ZRANB3: variants seen among roughly 807,000 people sequenced by gnomAD.
ZRANB3 encodes zinc finger RANBP2-type containing 3.
A neutral mutation model predicts 133.8 loss-of-function variants in ZRANB3; 125 were observed. The observed-to-expected ratio is 0.93, with a 90% CI of 0.81 to 1.08. ZRANB3 has a LOEUF of 1.08. ZRANB3 is among the 50% of genes least tolerant of loss of function. The probability of loss-of-function intolerance (pLI) is 0.00; values close to 1 mark genes in which losing one functional copy is unlikely to be tolerated. For synonymous variants in ZRANB3, 387 were observed against 432.7 expected (o/e 0.89, Z 1.31); for missense variants, 1,229 against 1,275.5 (o/e 0.96, Z 0.56).
chr2:135,497,679 T>C (rs188234267), intron 2 of ZRANB3, among the ~76,000 whole-genome samples: 1 of 152,294 alleles, frequency 6.6e-6, no homozygotes, highest in Admixed American at 6.5e-5. Flanking sequence ...AAAAGTAACA[T>C]TACAATGCAG....
Position 135,409,649 on chromosome 2 carries a change from G to A in ZRANB3, c.162-18829C>T, listed in dbSNP as rs536127956. 3.3e-5 allele frequency among the ~76,000 whole-genome samples: 5 copies of A among 152,110 alleles called. No individual in the cohort carries two copies. The South Asian group carries it at 1.0e-3, about 32-fold the overall frequency. ...GAAGTCCCAGCCAGAGGAAGAGAAA[G>A]AAATAGAAAGCATCCGAAAAAGAGG... On this transcript the variant is annotated intron_variant, in intron 2 of 20. Coordinates refer to ENST00000264159, the MANE Select transcript of ZRANB3 (RefSeq NM_032143.4).
chr2:135,453,254 T>A (rs1227755809), intron 2 of ZRANB3, among the ~76,000 whole-genome samples: 1 of 152,194 alleles, frequency 6.6e-6, no homozygotes, highest in African/African-American at 2.4e-5. Flanking sequence ...AAAACCATTT[T>A]TTCCTCCTGG....
At chr2:135,348,299 G>C (rs1339916989) in intron 5 of ZRANB3, among the ~76,000 whole-genome samples, 1 of 150,696 alleles carries the variant, frequency 6.6e-6, no homozygotes, top group Non-Finnish European at 1.5e-5. Context: ...GAAAAAATTA[G>C]AGAACTCACA....
chr2:135,512,663 A>G (rs879816087), intron 1 of ZRANB3, among the ~76,000 whole-genome samples: 13 of 151,972 alleles, frequency 8.6e-5, no homozygotes, highest in Non-Finnish European at 1.6e-4. Flanking sequence ...TATACATGCC[A>G]AAGTATAGCT....
At chr2:135,498,724 T>G (rs988885739) in intron 2 of ZRANB3, among the ~76,000 whole-genome samples, 5 of 152,238 alleles carry the variant, frequency 3.3e-5, no homozygotes, top group African/African-American at 9.6e-5. Flanking sequence ...AAAGAGAATG[T>G]GTTCCCAAGG....
chr2:135,427,343 C>T (rs1044085681), intron 2 of ZRANB3, among the ~76,000 whole-genome samples: 1 of 152,132 alleles, frequency 6.6e-6, no homozygotes, highest in Non-Finnish European at 1.5e-5. Context: ...GCTCCTAGAT[C>T]TGATGAACAA....
At chr2:135,505,674 C>A (rs528763767) in intron 1 of ZRANB3, among the ~76,000 whole-genome samples, 6 of 152,064 alleles carry the variant, frequency 3.9e-5, no homozygotes, top group African/African-American at 1.2e-4. Flanking sequence ...TCTGTGTCTA[C>A]TAAGAAGGTC....
chr2:135,281,897 T>C (rs550187252), intron 8 of ZRANB3, among the ~76,000 whole-genome samples: 1 of 152,322 alleles, frequency 6.6e-6, no homozygotes, highest in South Asian at 2.1e-4. Flanking sequence ...TAAACATTAA[T>C]TAACTTTCTG....
intron 2 of ZRANB3, among the ~76,000 whole-genome samples, chr2:135,393,223 CAT>C (rs1687323359): frequency 6.6e-6 from 1 of 152,010 alleles, no homozygotes; most frequent in Non-Finnish European, 1.5e-5. Context: ...AAAATTAAAA[CAT>C]ATATAAGAGT....
chr2:135,353,726 T>A, intron 3 of ZRANB3, 98 bp from the exon 4 acceptor site: 1 of 851,148 alleles, frequency 1.2e-6, no homozygotes, highest in Non-Finnish European at 1.6e-6. Context: ...ATTAGCTGGG[T>A]GTGATGGCTC....
Position 135,200,075 on chromosome 2 carries a change from A to G in ZRANB3, c.*267T>C. The stretch of plus-strand genomic sequence containing the variant: ...CAGTGATTAGGCATATTAGGGGTAA[A>G]GAGCTTTACAAAACATTGCTGAAAC... On this transcript the variant is annotated 3_prime_UTR_variant, in exon 21 of 21. Transcript: ENST00000264159. The G allele has an allele frequency of 2.0e-6, 1 of 502,922 alleles. No individual in the cohort carries two copies. The highest frequency in any genetic ancestry group is 3.6e-6 in the Non-Finnish European group (1 of 275,844). The allele number at this position is 502,922 out of a possible 1,614,324, so 31.2% of individuals were successfully genotyped here.
At chr2:135,377,189 AAT>A (rs1043447361) in intron 3 of ZRANB3, among the ~76,000 whole-genome samples, 5 of 152,188 alleles carry the variant, frequency 3.3e-5, no homozygotes, top group Admixed American at 1.3e-4. Context: ...TGTGCATAGC[AAT>A]GTGTGTGTAC....
Position 135,392,757 on chromosome 2 carries a change from A to C in ZRANB3, c.162-1937T>G, listed in dbSNP as rs539103527. On this transcript the variant is annotated intron_variant, in intron 2 of 20. Transcript: ENST00000264159. ...AGTGAGACTCCGTCTCAAAAACCAC[A>C]ACAACAACAACAACAACAAATTAAG... Among the ~76,000 whole-genome samples the C allele has an allele frequency of 1.8e-3, 274 of 151,620 alleles. 1 individual carries two copies. The highest frequency in any genetic ancestry group is 6.2e-3 in the African/African-American group (256 of 41,036).
At chr2:135,260,197 C>T (rs1343821444) in intron 12 of ZRANB3, among the ~76,000 whole-genome samples, 1 of 152,136 alleles carries the variant, frequency 6.6e-6, no homozygotes, top group African/African-American at 2.4e-5. Flanking sequence ...CAATGGAAGC[C>T]ACTGTAGAGA....
chr2:135,441,673 A>G (rs1194675281), intron 2 of ZRANB3, among the ~76,000 whole-genome samples: 1 of 152,142 alleles, frequency 6.6e-6, no homozygotes, highest in Non-Finnish European at 1.5e-5. Flanking sequence ...ATAGAGTGAT[A>G]CTGGAATGAA....
chr2:135,354,417 T>C (rs549939457), intron 3 of ZRANB3, among the ~76,000 whole-genome samples: 13 of 152,346 alleles, frequency 8.5e-5, no homozygotes, highest in Admixed American at 7.2e-4. Flanking sequence ...TTGATTTGTA[T>C]CCACACTGTC....
At position 135,504,154 on chromosome 2, in the gene ZRANB3, A is replaced by C. The variant is rs780992062; in HGVS notation, c.161+175T>G. 5.5e-6 allele frequency: 4 copies of C among 729,932 alleles called. No individual in the cohort carries two copies. The South Asian group carries it at 6.0e-5, about 11-fold the overall frequency. 45.2% of individuals were successfully genotyped at this position (729,932 alleles called of 1,614,324 possible). A position where few individuals can be genotyped will look rare whatever the true frequency, so the allele number is the denominator to read the frequency against. ...CTTAAGAAATCACAATTGGTTCAAT[A>C]TATTTCAACATGAAGTATAAGTCAA... On this transcript the variant is annotated intron_variant, in intron 2 of 20. Transcript: ENST00000264159.
At chr2:135,256,009 G>A (rs549223684) in intron 12 of ZRANB3, among the ~76,000 whole-genome samples, 2 of 151,462 alleles carry the variant, frequency 1.3e-5, no homozygotes, top group Non-Finnish European at 2.9e-5. Context: ...GACCGCCCTG[G>A]GCTCAGGTGA....
chr2:135,244,644 C>T (rs184243902), intron 12 of ZRANB3, among the ~76,000 whole-genome samples: 37 of 151,228 alleles, frequency 2.4e-4, no homozygotes, highest in African/African-American at 9.0e-4. Context: ...AATAAACAAA[C>T]AAAACAACTA....
Sources: gnomAD v4.1 joint callset for allele counts (sites outside exome capture counted in the v4.1 genomes callset) on GRCh38, gnomAD v4.1.1 for gene constraint, MANE v1.5 for transcripts, NCBI Gene and HGNC (gene_info 2026-07-23, HGNC 2026-07-21) for gene names.